Variants in TMEM132A observed in about 807,000 individuals in gnomAD.
The protein encoded by TMEM132A is GRP78-binding protein.
Under a neutral mutation model 69.9 loss-of-function variants are expected in TMEM132A, and 48 were observed. The observed-to-expected ratio is 0.69, with a 90% confidence interval of 0.55 to 0.87. The LOEUF is 0.87. TMEM132A is among the 40% of genes least tolerant of loss of function. TMEM132A has a pLI of 0.00. For missense variants in TMEM132A, 1,287 were observed against 1,407.2 expected, an observed-to-expected ratio of 0.91 and a Z score of 1.37; for synonymous variants, 577 against 613.7, an observed-to-expected ratio of 0.94 and a Z score of 0.88.
chr11:60,931,693 C>G lies in TMEM132A; in HGVS notation c.1021C>G (p.Leu341Val), dbSNP rs138156166. ...AGLTEPDSSP[L>V]ELSEFLWVDF... ...TCTGTCTCCTTTGGCCAGCAGTCCC[C>G]TTGAACTGTCTGAGTTCCTATGGGT... The change falls in exon 6 of 11, where the codon CTT (leucine) becomes GTT (valine). Residue 341 changes from leucine (L) to valine (V), a missense_variant. Leu to Val is a conservative substitution (Grantham distance 32, BLOSUM62 1). Coordinates refer to ENST00000453848, the MANE Select transcript of TMEM132A (RefSeq NM_178031.3). 6.5e-5 allele frequency: 105 copies of G among 1,610,962 alleles called. No homozygotes were observed. Among genetic ancestry groups the G allele is most frequent in the Non-Finnish European group, 7.3e-5 (86 of 1,177,716 alleles).
chr11:60,934,898 G>A, intron 9 of TMEM132A, 134 bp downstream of exon 9: 1 of 983,498 alleles, frequency 1.0e-6, no homozygotes, highest in Non-Finnish European at 1.5e-6. Context: ...AGGTCTGAGT[G>A]CAGTGGGATT....
intron 8 of TMEM132A, 152 bp from the exon 9 acceptor site, chr11:60,934,336 C>A (rs573152180): frequency 3.7e-5 from 26 of 698,444 alleles, no homozygotes; most frequent in Non-Finnish European, 5.0e-5. Context: ...AAGGGCCTGA[C>A]CCCAAGAGGG....
chr11:60,927,461 G>A, intron 2 of TMEM132A, 43 bp downstream of exon 2: 3 of 1,556,914 alleles, frequency 1.9e-6, no homozygotes, highest in Non-Finnish European at 1.7e-6. Context: ...ACAGGACTCA[G>A]GGCCTGAGGT....
intron 5 of TMEM132A, among the ~76,000 whole-genome samples, chr11:60,931,192 G>A (rs1388716642): frequency 3.9e-5 from 6 of 152,212 alleles, no homozygotes; most frequent in Admixed American, 3.9e-4. Context: ...TTGTGAAATA[G>A]GAATAATAAT....
rs1328330720 is a variant in TMEM132A, at chr11:60,933,653, G to T, written c.1468G>T (p.Val490Leu). The change falls in exon 8 of 11, where the codon GTG (valine) becomes TTG (leucine). Residue 490 changes from valine (V) to leucine (L), a missense_variant. Coordinates refer to ENST00000453848, the MANE Select transcript of TMEM132A (RefSeq NM_178031.3). ...GCTCCGCGCCTCGCTGCGGCTGACC[G>T]TGTGGGCCCCCCTGCTACCGCTGCG... ...RRLRASLRLT[V>L]WAPLLPLRIE... 4 of 1,605,766 alleles carry T rather than the reference G, an allele frequency of 2.5e-6. No individual in the cohort carries two copies. The African/African-American group carries it at 5.3e-5, about 21-fold the overall frequency.
intron 1 of TMEM132A, chr11:60,926,725 G>A (rs946299224): frequency 3.0e-5 from 7 of 235,744 alleles, no homozygotes; most frequent in African/African-American, 2.3e-5. Flanking sequence ...GGTGCAGGTT[G>A]CCATGGCAAT....
rs1044627045 is a variant in TMEM132A, at chr11:60,933,628, G to A, written c.1443G>A (p.Arg481=). ...TGCGAGTGGACTTCTGGTGGCGCCG[G>A]CTCCGCGCCTCGCTGCGGCTGACCG... is the stretch of plus-strand genomic sequence containing the variant. ...RGVRVDFWWR[R]LRASLRLTVW... is the part of the protein sequence containing the mutation. The change falls in exon 8 of 11, where the codon CGG becomes CGA. Residue 481 remains arginine, a synonymous_variant. Coordinates refer to ENST00000453848, the MANE Select transcript of TMEM132A (RefSeq NM_178031.3). 6.2e-7 allele frequency: 1 copy of A among 1,605,608 alleles called. No individual in the cohort carries two copies. The highest frequency in any genetic ancestry group is 1.7e-5 in the Admixed American group (1 of 59,898).
At chr11:60,931,945 G>C (rs1203616354) in intron 6 of TMEM132A, 39 bp from the exon 7 acceptor site, 2 of 1,613,864 alleles carry the variant, frequency 1.2e-6, no homozygotes, top group Non-Finnish European at 1.7e-6. Flanking sequence ...AGCCCCATGA[G>C]CTGAGGGGCC....
Position 60,935,305 on chromosome 11 carries a change from GGAC to G in TMEM132A, c.1894_1896del (p.Asp632del). On this transcript the variant is annotated inframe_deletion, in exon 10 of 11. Transcript: ENST00000453848. The surrounding 1 kb of genome is among the most constrained non-coding windows in gnomAD (Gnocchi z 5.0). The stretch of plus-strand genomic sequence containing the variant: ...TGGGGGAGCAGGCGCTGGCTGTGAC[GGAC>G]GACAAGGTCTCAGTGCTGGAGCTGA... 6.2e-7 allele frequency: 1 copy of G among 1,612,896 alleles called. No homozygotes were observed. The highest frequency in any genetic ancestry group is 8.5e-7 in the Non-Finnish European group (1 of 1,179,716).
intron 8 of TMEM132A, chr11:60,934,166 GC>G: frequency 2.7e-6 from 1 of 374,476 alleles, no homozygotes. Flanking sequence ...GGGAGAGGTG[GC>G]CCACGCCTCT....
chr11:60,931,369 C>A (rs934323998), intron 5 of TMEM132A, among the ~76,000 whole-genome samples: 3 of 152,192 alleles, frequency 2.0e-5, no homozygotes, highest in African/African-American at 7.2e-5. Context: ...ACCTCAGTGG[C>A]TGTGGAAAGC....
At chr11:60,929,262 G>GGGAACCCGCAAAGGGCTTAGAGAC (rs1856423959) in intron 4 of TMEM132A, among the ~76,000 whole-genome samples, 1 of 152,194 alleles carries the variant, frequency 6.6e-6, no homozygotes, top group Non-Finnish European at 1.5e-5. Flanking sequence ...CTCCAGGGAG[G>GGGAACCCGCAAAGGGCTTAGAGAC]GGAACCCGCA....
At position 60,936,813 on chromosome 11, in the gene TMEM132A, G is replaced by A. The variant is rs1388439751; in HGVS notation, c.2978G>A (p.Gly993Asp). 1 of 1,613,340 alleles carries A rather than the reference G, an allele frequency of 6.2e-7. No homozygotes were observed. Among genetic ancestry groups the A allele is most frequent in the Non-Finnish European group, 8.5e-7 (1 of 1,179,654 alleles). The change falls in exon 11 of 11, where the codon GGC becomes GAC. Residue 993 changes from glycine (G) to aspartate (D), a missense_variant. Physicochemically the swap from Gly to Asp is moderately conservative, Grantham distance 94. Transcript: ENST00000453848. ...APAVQSILVA[G>D]EEDIRWVCED... ...GCTGTGCAGTCCATCCTTGTGGCAG[G>A]CGAGGAGGACATCCGCTGGGTGTGT...
Position 60,928,674 on chromosome 11 carries a change from T to C in TMEM132A, c.580T>C (p.Trp194Arg), listed in dbSNP as rs760878636. The change falls in exon 4 of 11, where the codon TGG (tryptophan) becomes CGG (arginine). Residue 194 changes from tryptophan to arginine, a missense_variant. Physicochemically the swap from Trp to Arg is moderately radical, Grantham distance 101 (BLOSUM62 -3). Transcript: ENST00000453848. ...GGTGGAGCTGGAGCTTCCCTCGCAC[T>C]GGTTCTCACAGGCCTCCACCACACG... ...CVVELELPSHWFSQASTTRAE... is the reference protein window; with the variant it reads ...CVVELELPSHRFSQASTTRAE... 9.9e-6 allele frequency: 16 copies of C among 1,610,852 alleles called. No individual in the cohort carries two copies. Among genetic ancestry groups the C allele is most frequent in the Non-Finnish European group, 5.9e-6 (7 of 1,179,930 alleles).
intron 1 of TMEM132A, chr11:60,926,968 C>T (rs1409036732): frequency 5.1e-6 from 3 of 591,966 alleles, no homozygotes; most frequent in Non-Finnish European, 9.1e-6. Context: ...GAAGGAATAG[C>T]TGGGAAGCAT....
Position 60,936,866 on chromosome 11 carries a change from G to A in TMEM132A, c.3031G>A (p.Glu1011Lys). Residue 1011 changes from glutamate to lysine, a missense_variant, in exon 11 of 11, where the codon GAG (glutamate) becomes AAG (lysine). Physicochemically the swap from Glu to Lys is moderately conservative, Grantham distance 56. Transcript: ENST00000453848. The part of the protein sequence containing the change: ...CEDMGLKDPE[E>K]LRNYMERIRG... The stretch of plus-strand genomic sequence containing the variant: ...GGACATGGGGCTGAAGGACCCTGAG[G>A]AGCTTCGCAACTACATGGAGAGGAT... 4 of 1,589,860 alleles carry A rather than the reference G, an allele frequency of 2.5e-6. No individual in the cohort carries two copies. The highest frequency in any genetic ancestry group is 3.4e-6 in the Non-Finnish European group (4 of 1,170,236).
intron 7 of TMEM132A, 147 bp from the exon 8 acceptor site, chr11:60,933,395 G>C: frequency 1.6e-6 from 1 of 626,004 alleles, no homozygotes; most frequent in Non-Finnish European, 2.8e-6. Context: ...TGTTGCCCAG[G>C]CTGGTCTCAA....
At chr11:60,934,092 C>G in intron 8 of TMEM132A, 1 of 390,318 alleles carries the variant, frequency 2.6e-6, no homozygotes. Context: ...GTCGTACCCT[C>G]AGAGCCTAAG....
Position 60,924,567 on chromosome 11 carries a change from C to A in TMEM132A, c.-67C>A. The A allele has an allele frequency of 7.5e-7, 1 of 1,325,092 alleles. No individual in the cohort carries two copies. The highest frequency in any genetic ancestry group is 1.0e-6 in the Non-Finnish European group (1 of 976,854). 82.1% of individuals were successfully genotyped at this position (1,325,092 alleles called of 1,614,324 possible). On this transcript the variant is annotated 5_prime_UTR_variant, in exon 1 of 11. Coordinates refer to ENST00000453848, the MANE Select transcript of TMEM132A (RefSeq NM_178031.3). ...AGGTGGGGACGGCGCGGAGCGGGTG[C>A]GGGAGATGCCGTGCGGGACTGGGGC...
Sources: allele counts gnomAD v4.1 joint callset (sites outside exome capture counted in the v4.1 genomes callset), GRCh38; gene constraint gnomAD v4.1.1; non-coding constraint Gnocchi (gnomAD v3.1); transcripts MANE v1.5; gene names NCBI Gene and HGNC (gene_info 2026-07-23, HGNC 2026-07-21).